The following HHATL variants were observed in gnomAD, a reference collection of about 807,000 sequenced individuals.
HHATL encodes the protein protein-cysteine N-palmitoyltransferase HHAT-like protein.
Under a neutral mutation model 59.7 loss-of-function variants are expected in HHATL, and 49 were observed. The observed-to-expected ratio is 0.82, with a 90% CI of 0.65 to 1.04. The LOEUF is 1.04. Ranked by LOEUF, HHATL falls within the 50% of genes least tolerant of loss-of-function variation. HHATL has a pLI of 0.00. For missense variants in HHATL, 605 were observed against 650.8 expected, an observed-to-expected ratio of 0.93 and a Z score of 0.77; for synonymous variants, 238 against 257.3, an observed-to-expected ratio of 0.93 and a Z score of 0.72.
chr3:42,700,889 C>T, intron 1 of HHATL, 50 bp from the exon 2 acceptor site: 1 of 1,315,822 alleles, frequency 7.6e-7, no homozygotes, highest in Non-Finnish European at 1.1e-6. Flanking sequence ...CCAAGCCTAG[C>T]CCCACCTCAT....
chr3:42,693,654 T>C lies in HHATL; in HGVS notation c.1211A>G (p.Gln404Arg). The C allele has an allele frequency of 1.2e-6, 2 of 1,614,144 alleles. No homozygotes were observed. Among genetic ancestry groups the C allele is most frequent in the Non-Finnish European group, 1.7e-6 (2 of 1,180,024 alleles). ...TAGGGGCCCCCACTCTGCCAGTTTT[T>C]GCATCCAGAGCTCAAAGTTGAGGCC... is the stretch of plus-strand genomic sequence containing the variant. ...CFGLNFELWM[Q>R]KLAEWGPLAR... Residue 404 changes from glutamine (Q) to arginine (R), a missense_variant, in exon 10 of 12, where the codon CAA (glutamine) becomes CGA (arginine). Physicochemically the swap from Gln to Arg is conservative, Grantham distance 43 (BLOSUM62 1). Coordinates refer to ENST00000441594, the MANE Select transcript of HHATL (RefSeq NM_020707.4).
At chr3:42,695,369 C>T (rs1382675532) in intron 9 of HHATL, among the ~76,000 whole-genome samples, 1 of 152,220 alleles carries the variant, frequency 6.6e-6, no homozygotes, top group Non-Finnish European at 1.5e-5. Flanking sequence ...TCTTCCTTGT[C>T]ATCCATCTGG....
intron 7 of HHATL, 22 bp from the exon 8 acceptor site, chr3:42,697,167 T>G: frequency 6.6e-7 from 1 of 1,512,658 alleles, no homozygotes; most frequent in Non-Finnish European, 8.8e-7. Context: ...GCACTGTCAC[T>G]GCCTGGGGTC....
At position 42,692,860 on chromosome 3, in the gene HHATL, G is replaced by A. The variant is rs753472125; in HGVS notation, c.1406C>T (p.Thr469Met). 2.8e-5 allele frequency: 46 copies of A among 1,614,088 alleles called. No individual in the cohort carries two copies. The highest frequency in any genetic ancestry group is 3.6e-5 in the Non-Finnish European group (42 of 1,180,026). The change falls in exon 12 of 12, where the codon ACG (threonine) becomes ATG (methionine). Residue 469 changes from threonine (T) to methionine (M), a missense_variant. Physicochemically the swap from Thr to Met is moderately conservative, Grantham distance 81. Coordinates refer to ENST00000441594, the MANE Select transcript of HHATL (RefSeq NM_020707.4). ...RLLLTGFPQT[T>M]LSILFVTYCG... ...GTAGGTGACAAACAGGATGGACAGC[G>A]TGGTCTGGGGGAACCCTGTGTGGGG...
rs766078844 is a variant in HHATL, at chr3:42,698,769, C to G, written c.422G>C (p.Cys141Ser). ...CAGGCTGGCCAAGCCAAGGCCAAGA[C>G]AGAGCCAGGGCTGGCCCAAAAGCGA... ...VASLLGQPWL[C>S]LGLGLASLAS... is the part of the protein sequence containing the mutation. The change falls in exon 5 of 12, where the codon TGT becomes TCT. Residue 141 changes from cysteine (C) to serine (S), a missense_variant. Transcript: ENST00000441594. The G allele has an allele frequency of 1.9e-6, 3 of 1,609,640 alleles. No individual in the cohort carries two copies. The highest frequency in any genetic ancestry group is 1.7e-5 in the Admixed American group (1 of 58,872).
intron 9 of HHATL, among the ~76,000 whole-genome samples, chr3:42,696,488 T>C (rs1246677054): frequency 1.3e-5 from 2 of 152,158 alleles, no homozygotes; most frequent in African/African-American, 4.8e-5. Context: ...ATTGCGACTA[T>C]ACATTTCTTA....
intron 1 of HHATL, 110 bp from the exon 2 acceptor site, chr3:42,700,949 AG>A: frequency 1.4e-6 from 1 of 695,292 alleles, no homozygotes; most frequent in Admixed American, 2.4e-5. Context: ...TTGCCCCTCC[AG>A]CCCCTTGGGG....
In HHATL at chr3:42,696,892, C is replaced by T. The variant is rs1158831835; in HGVS notation, c.1011-15G>A. 1 of 1,614,060 alleles carries T rather than the reference C, an allele frequency of 6.2e-7. No homozygotes were observed. Among genetic ancestry groups the T allele is most frequent in the Non-Finnish European group, 8.5e-7 (1 of 1,180,024 alleles). On this transcript the variant is annotated splice_polypyrimidine_tract_variant and intron_variant, in intron 8 of 11. Coordinates refer to ENST00000441594, the MANE Select transcript of HHATL (RefSeq NM_020707.4). The stretch of plus-strand genomic sequence containing the variant: ...GGTCAAAGTGCCTGTAAGAGGAAAG[C>T]AGATGGGCATGTTGCCATCAGGCGC...
intron 7 of HHATL, 60 bp from the exon 8 acceptor site, chr3:42,697,205 G>T: frequency 6.7e-7 from 1 of 1,498,552 alleles, no homozygotes. Context: ...CCCCCATGAA[G>T]ACCCTGTCCC....
chr3:42,698,091 T>C (rs1697720587), intron 6 of HHATL, 51 bp downstream of exon 6: 1 of 1,553,624 alleles, frequency 6.4e-7, no homozygotes, highest in African/African-American at 1.4e-5. Context: ...AACCCCAATC[T>C]GAAAAGGGAG....
chr3:42,692,981 CA>C (rs1239671819), intron 11 of HHATL, 95 bp downstream of exon 11: 1 of 1,588,634 alleles, frequency 6.3e-7, no homozygotes, highest in African/African-American at 1.3e-5. Context: ...TTCTGAGTCC[CA>C]GGGGTGATGA....
chr3:42,699,686 G>T, intron 3 of HHATL, 72 bp downstream of exon 3: 3 of 1,322,510 alleles, frequency 2.3e-6, no homozygotes, highest in Non-Finnish European at 2.1e-6. Context: ...TCTGTTACTT[G>T]CCAACATCTG....
Position 42,698,218 on chromosome 3 carries a change from T to G in HHATL, c.617A>C (p.Asp206Ala). Residue 206 changes from aspartate (D) to alanine (A), a missense_variant, in exon 6 of 12, where the codon GAC becomes GCC. Coordinates refer to ENST00000441594, the MANE Select transcript of HHATL (RefSeq NM_020707.4). ...AHPDRHYSLADLLKYNFYLPF... is the reference protein window; with the variant it reads ...AHPDRHYSLAALLKYNFYLPF... ...CAGGTAGAAGTTGTACTTGAGCAGG[T>G]CAGCTAAGGAGTAGTGGCGGTCAGG... 1.2e-6 allele frequency: 2 copies of G among 1,614,192 alleles called. No individual in the cohort carries two copies. The highest frequency in any genetic ancestry group is 1.7e-6 in the Non-Finnish European group (2 of 1,180,034).
At chr3:42,699,718 G>A (rs536174062) in intron 3 of HHATL, 40 bp downstream of exon 3, 3 of 1,516,974 alleles carry the variant, frequency 2.0e-6, no homozygotes, top group East Asian at 2.4e-5. Flanking sequence ...AGCAGAGAAG[G>A]GTTCGGGATG....
At chr3:42,699,557 A>G (rs1245542034) in intron 3 of HHATL, among the ~76,000 whole-genome samples, 2 of 152,080 alleles carry the variant, frequency 1.3e-5, no homozygotes, top group African/African-American at 4.8e-5. Context: ...AATGCGACCT[A>G]TTTCCCAAGT....
Position 42,698,340 on chromosome 3 carries a change from T to C in HHATL, c.495A>G (p.Val165=), listed in dbSNP as rs777846259. The change falls in exon 6 of 12, where the codon GTA becomes GTG. Residue 165 remains valine (V), a synonymous_variant. Transcript: ENST00000441594. ...DPLISWQSGF[V]TGTFDLQEVL... The stretch of plus-strand genomic sequence containing the variant: ...CCTCTTGAAGATCAAAAGTGCCTGT[T>C]ACAAACCCGCTCTGGAGGGGGAAAG... 5.0e-6 allele frequency: 8 copies of C among 1,611,498 alleles called. No individual in the cohort carries two copies. The highest frequency in any genetic ancestry group is 1.7e-5 in the Admixed American group (1 of 59,988).
chr3:42,695,838 T>C (rs559032983), intron 9 of HHATL, among the ~76,000 whole-genome samples: 1 of 152,258 alleles, frequency 6.6e-6, no homozygotes, highest in East Asian at 1.9e-4. Context: ...CCTCACCTCC[T>C]TCCTCTTCAG....
chr3:42,697,786 C>A, intron 6 of HHATL, 107 bp from the exon 7 acceptor site: 1 of 1,196,846 alleles, frequency 8.4e-7, no homozygotes, highest in Non-Finnish European at 1.2e-6. Flanking sequence ...TGGCTTTATC[C>A]AGGAGTCCTG....
rs1452475784 is a variant in HHATL, at chr3:42,699,786, G to A, written c.146C>T (p.Pro49Leu). ...HRKAFRESVR[P>L]GWEYIGRKMD... ...CTTCCGGCCAATGTACTCCCAGCCA[G>A]GTCGCACAGACTCCCGGAAGGCCTT... is the stretch of plus-strand genomic sequence containing the variant. The change falls in exon 3 of 12, where the codon CCT becomes CTT. Residue 49 changes from proline to leucine, a missense_variant. Transcript: ENST00000441594. The A allele has an allele frequency of 1.2e-5, 19 of 1,579,492 alleles. No individual in the cohort carries two copies. Among genetic ancestry groups the A allele is most frequent in the African/African-American group, 4.0e-5 (3 of 74,114 alleles).
Sources: gnomAD v4.1 joint callset for allele counts (sites outside exome capture counted in the v4.1 genomes callset) on GRCh38, gnomAD v4.1.1 for gene constraint, MANE v1.5 for transcripts, NCBI Gene and HGNC (gene_info 2026-07-23, HGNC 2026-07-21) for gene names.